Variants in SLC9D1 observed in about 807,000 individuals in gnomAD.
SLC9D1 encodes the protein solute carrier family 9 member D1.
the SLC9D1 span, among the ~76,000 whole-genome samples, chr13:113,494,043 T>G: frequency 6.6e-6 from 1 of 152,246 alleles, no homozygotes; most frequent in South Asian, 2.1e-4. Context: ...GAATTTGGGT[T>G]AGCAGTGAAA....
chr13:113,498,672 G>A, the SLC9D1 span: 2 of 616,142 alleles, frequency 3.2e-6, no homozygotes, highest in Non-Finnish European at 5.3e-6. Flanking sequence ...AAATAATTTG[G>A]TCTTGTAGAA....
At chr13:113,543,672 A>T in the SLC9D1 span, among the ~76,000 whole-genome samples, 1 of 149,868 alleles carries the variant, frequency 6.7e-6, no homozygotes, top group Non-Finnish European at 1.5e-5. Flanking sequence ...ACATTGCTCC[A>T]GCCCCAGGCT....
chr13:113,496,646 TA>T, the SLC9D1 span, among the ~76,000 whole-genome samples: 1 of 152,236 alleles, frequency 6.6e-6, no homozygotes, highest in Non-Finnish European at 1.5e-5. Context: ...GCCCTTTAAA[TA>T]TATAAAGTAT....
At chr13:113,543,169 C>T in the SLC9D1 span, among the ~76,000 whole-genome samples, 13 of 44,728 alleles carry the variant, frequency 2.9e-4, no homozygotes, top group East Asian at 6.1e-3. Context: ...TACCTCTGTC[C>T]GGACCCCACC....
chr13:113,549,281 A>C, the SLC9D1 span: 3 of 899,436 alleles, frequency 3.3e-6, no homozygotes, highest in African/African-American at 3.3e-5. Flanking sequence ...CATCCCTCCC[A>C]GCACTCAGCG....
At chr13:113,535,549 A>G in the SLC9D1 span, among the ~76,000 whole-genome samples, 1 of 152,214 alleles carries the variant, frequency 6.6e-6, no homozygotes, top group South Asian at 2.1e-4. This position sits in a 1 kb window ranked among gnomAD's most constrained non-coding sequence, Gnocchi z 4.1. Flanking sequence ...AAACAGTCCA[A>G]AGGTACTTCA....
the SLC9D1 span, chr13:113,549,375 G>C: frequency 6.3e-7 from 1 of 1,599,590 alleles, no homozygotes; most frequent in Non-Finnish European, 8.5e-7. Flanking sequence ...CCTGTTGCAG[G>C]TGCTAGTCCT....
the SLC9D1 span, among the ~76,000 whole-genome samples, chr13:113,515,345 T>C: frequency 6.6e-6 from 1 of 152,326 alleles, no homozygotes; most frequent in Non-Finnish European, 1.5e-5. Flanking sequence ...ATGCAACATG[T>C]TTTATGTGTT....
the SLC9D1 span, chr13:113,498,392 A>T: frequency 6.3e-7 from 1 of 1,574,990 alleles, no homozygotes; most frequent in Non-Finnish European, 8.6e-7. Flanking sequence ...ATCAAGTTGA[A>T]GCCCTTAAAA....
At chr13:113,521,050 C>A in the SLC9D1 span, among the ~76,000 whole-genome samples, 1 of 151,850 alleles carries the variant, frequency 6.6e-6, no homozygotes, top group Non-Finnish European at 1.5e-5. Context: ...ATGTCCAGAA[C>A]GTAATAAGTG....
chr13:113,548,536 G>A, the SLC9D1 span: 15 of 1,467,626 alleles, frequency 1.0e-5, no homozygotes, highest in Admixed American at 6.5e-5. Flanking sequence ...AAGGCGGCTC[G>A]GCAGCACAGC....
chr13:113,519,667 CCA>C, the SLC9D1 span, among the ~76,000 whole-genome samples: 2 of 151,560 alleles, frequency 1.3e-5, no homozygotes, highest in Non-Finnish European at 2.9e-5. Flanking sequence ...TGCGTCTGCA[CCA>C]TTTGGACACC....
the SLC9D1 span, chr13:113,501,652 G>A: frequency 8.9e-6 from 8 of 899,790 alleles, no homozygotes; most frequent in Non-Finnish European, 1.4e-5. Context: ...CCCATCAGGT[G>A]AAATCGGGGA....
the SLC9D1 span, chr13:113,501,948 A>G: frequency 3.8e-5 from 50 of 1,302,176 alleles, no homozygotes; most frequent in African/African-American, 4.0e-4. Context: ...CATGAAGACT[A>G]AAAAGTATTG....
the SLC9D1 span, among the ~76,000 whole-genome samples, chr13:113,521,249 GTGTT>G: frequency 6.6e-5 from 10 of 151,542 alleles, no homozygotes; most frequent in African/African-American, 1.2e-4. Context: ...TGTGGTGTGT[GTGTT>G]TGTTCTGTGG....
the SLC9D1 span, among the ~76,000 whole-genome samples, chr13:113,492,964 A>G: frequency 6.6e-6 from 1 of 152,262 alleles, no homozygotes; most frequent in Non-Finnish European, 1.5e-5. Context: ...TAACTAGAAC[A>G]GCTAAAGATG....
the SLC9D1 span, among the ~76,000 whole-genome samples, chr13:113,498,012 T>C: frequency 6.6e-6 from 1 of 152,240 alleles, no homozygotes; most frequent in Non-Finnish European, 1.5e-5. Context: ...AAAGTACCGC[T>C]GCACTCACAC....
chr13:113,503,092 C>G, the SLC9D1 span, among the ~76,000 whole-genome samples: 1 of 152,242 alleles, frequency 6.6e-6, no homozygotes. Context: ...GGTGAAAAAT[C>G]ACTTCCTGCC....
At chr13:113,503,345 TTGTGTGTG>T in the SLC9D1 span, 56,101 of 474,948 alleles carry the variant, frequency 0.12, 2,284 homozygotes, top group Admixed American at 0.27. Context: ...CACTGTGTGA[TTGTGTGTG>T]TGTGTGTGTG....
Sources: allele counts gnomAD v4.1 joint callset (sites outside exome capture counted in the v4.1 genomes callset), GRCh38; gene constraint gnomAD v4.1.1; non-coding constraint Gnocchi (gnomAD v3.1); transcripts MANE v1.5; gene names NCBI Gene and HGNC (gene_info 2026-07-23, HGNC 2026-07-21).